The following ERC2 variants were observed in gnomAD, a reference collection of about 807,000 sequenced individuals.
The protein encoded by ERC2 is ELKS/RAB6-interacting/CAST family member 2, also known as ERC protein 2.
In ERC2, 42 loss-of-function variants were observed where a neutral mutation model predicts 114.8. The observed-to-expected ratio is 0.37, with a 90% confidence interval of 0.29 to 0.47. The LOEUF is 0.47. Among genes scored for constraint, ERC2 ranks in the 20% least tolerant of loss-of-function variants. ERC2 has a pLI of 0.99. For missense variants in ERC2, 939 were observed against 1,150.7 expected, an observed-to-expected ratio of 0.82 and a Z score of 2.66; for synonymous variants, 454 against 425.5, an observed-to-expected ratio of 1.07 and a Z score of -0.82.
Position 55,887,424 on chromosome 3 carries a change from G to A in ERC2, c.2564+965C>T, listed in dbSNP as rs187582997. Among the ~76,000 whole-genome samples the A allele has an allele frequency of 1.6e-4, 25 of 152,212 alleles. No individual in the cohort carries two copies. The East Asian group carries it at 4.4e-3, about 27-fold the overall frequency. The stretch of plus-strand genomic sequence containing the variant: ...CCATGTGTAAGGCTTGCTGGGTCAC[G>A]ATAAGGTCACTTCCATACCTAGCCA... On this transcript the variant is annotated intron_variant, in intron 14 of 17. Coordinates refer to ENST00000288221, the MANE Select transcript of ERC2 (RefSeq NM_015576.3).
intron 7 of ERC2, among the ~76,000 whole-genome samples, chr3:56,043,238 T>C (rs2075288321): frequency 6.6e-6 from 1 of 152,228 alleles, no homozygotes; most frequent in Admixed American, 6.5e-5. Context: ...TAAAATATTC[T>C]AGTTTTTCAA....
chr3:55,836,535 A>T (rs922705059), intron 14 of ERC2, among the ~76,000 whole-genome samples: 13 of 152,336 alleles, frequency 8.5e-5, no homozygotes, highest in African/African-American at 3.1e-4. Context: ...TGGTGCTGGG[A>T]AAACTGGCTA....
intron 7 of ERC2, among the ~76,000 whole-genome samples, chr3:56,028,597 C>T (rs192067996): frequency 5.3e-5 from 8 of 152,156 alleles, no homozygotes; most frequent in Admixed American, 1.3e-4. Flanking sequence ...TTATCAATAG[C>T]TTCCACATAT....
intron 17 of ERC2, among the ~76,000 whole-genome samples, chr3:55,565,265 A>G (rs1344926206): frequency 6.6e-6 from 1 of 152,272 alleles, no homozygotes; most frequent in Non-Finnish European, 1.5e-5. Context: ...AGTGATGTAT[A>G]TAAAATATCC....
At chr3:56,170,636 A>C (rs1575670306) in intron 4 of ERC2, among the ~76,000 whole-genome samples, 1 of 126,378 alleles carries the variant, frequency 7.9e-6, no homozygotes, top group Non-Finnish European at 1.6e-5. Context: ...TCACTATGTC[A>C]CCCAGGCTGG....
chr3:56,019,339 T>G (rs1274163163), intron 7 of ERC2, among the ~76,000 whole-genome samples: 1 of 152,170 alleles, frequency 6.6e-6, no homozygotes, highest in African/African-American at 2.4e-5. Flanking sequence ...CTTTTAGGTC[T>G]CAAGTCGATA....
At chr3:55,743,593 CAAAAAAAAAAA>C (rs367859231) in intron 14 of ERC2, among the ~76,000 whole-genome samples, 1 of 97,200 alleles carries the variant, frequency 1.0e-5, no homozygotes, top group African/African-American at 4.2e-5. Flanking sequence ...CCTGATCCAC[CAAAAAAAAAAA>C]AAAAAAAAAG....
intron 4 of ERC2, among the ~76,000 whole-genome samples, chr3:56,155,115 A>G (rs1305783383): frequency 6.6e-6 from 1 of 152,254 alleles, no homozygotes; most frequent in Non-Finnish European, 1.5e-5. Flanking sequence ...GCACATATCT[A>G]TTACTTTTTT....
chr3:55,511,362 C>T (rs1489161366), intron 17 of ERC2, 86 bp from the exon 18 acceptor site: 1 of 152,532 alleles, frequency 6.6e-6, no homozygotes, highest in African/African-American at 2.4e-5. Flanking sequence ...TCCCACTCTT[C>T]ACCCCTACAA....
At chr3:56,191,634 G>A (rs1056243438) in intron 3 of ERC2, among the ~76,000 whole-genome samples, 10 of 152,040 alleles carry the variant, frequency 6.6e-5, no homozygotes, top group Admixed American at 1.3e-4. Flanking sequence ...CAGTGCTGTC[G>A]CAAACCCAAG....
chr3:55,825,452 A>G (rs1423731871), intron 14 of ERC2, among the ~76,000 whole-genome samples: 1 of 152,240 alleles, frequency 6.6e-6, no homozygotes, highest in African/African-American at 2.4e-5. Context: ...AATTTTCCAG[A>G]CTTGCCACAA....
At chr3:56,032,885 A>AAGAAAGAG (rs1553781723) in intron 7 of ERC2, among the ~76,000 whole-genome samples, 1 of 79,172 alleles carries the variant, frequency 1.3e-5, no homozygotes. Flanking sequence ...GAAAGAAAGA[A>AAGAAAGAG]AGAGAGAGAG....
intron 3 of ERC2, among the ~76,000 whole-genome samples, chr3:56,273,394 C>T (rs2053788696): frequency 1.3e-5 from 2 of 151,576 alleles, no homozygotes; most frequent in Non-Finnish European, 2.9e-5. Flanking sequence ...CCAAGGACCA[C>T]AGGCACACAC....
intron 17 of ERC2, among the ~76,000 whole-genome samples, chr3:55,664,263 G>A (rs2061264311): frequency 6.6e-6 from 1 of 152,068 alleles, no homozygotes; most frequent in East Asian, 1.9e-4. Context: ...CAAGTTTATA[G>A]GTGGTTGCAA....
chr3:55,851,706 A>C (rs1025338456), intron 14 of ERC2, among the ~76,000 whole-genome samples: 4 of 152,148 alleles, frequency 2.6e-5, no homozygotes, highest in South Asian at 2.1e-4. Flanking sequence ...TAAAAAATCC[A>C]AAAATCCCAT....
chr3:55,629,241 G>A (rs774932225), intron 17 of ERC2, among the ~76,000 whole-genome samples: 1 of 152,226 alleles, frequency 6.6e-6, no homozygotes, highest in Non-Finnish European at 1.5e-5. Context: ...TGCCTAGGGA[G>A]TGGGGTGGCA....
intron 17 of ERC2, among the ~76,000 whole-genome samples, chr3:55,649,100 A>C (rs76794009): frequency 5.3e-5 from 8 of 152,250 alleles, no homozygotes; most frequent in African/African-American, 1.4e-4. Context: ...TCCTTCCCCA[A>C]ACATTCCAGA....
intron 15 of ERC2, among the ~76,000 whole-genome samples, chr3:55,722,750 T>C (rs1448855929): frequency 6.6e-6 from 1 of 152,200 alleles, no homozygotes; most frequent in Non-Finnish European, 1.5e-5. Context: ...TCTCTCTGCC[T>C]CTTGTTGTCT....
At chr3:55,739,684 A>C (rs2065864636) in intron 14 of ERC2, among the ~76,000 whole-genome samples, 1 of 151,834 alleles carries the variant, frequency 6.6e-6, no homozygotes. Context: ...AGATTGCAAA[A>C]ATTTTCTCCC....
Sources: allele counts gnomAD v4.1 joint callset (sites outside exome capture counted in the v4.1 genomes callset), GRCh38; gene constraint gnomAD v4.1.1; transcripts MANE v1.5; gene names NCBI Gene and HGNC (gene_info 2026-07-23, HGNC 2026-07-21).